Variants in SLC25A12 observed in about 807,000 individuals in gnomAD.
SLC25A12 encodes the protein solute carrier family 25 member 12, also known as electrogenic aspartate/glutamate antiporter SLC25A12, mitochondrial.
SLC25A12 carries 32 observed loss-of-function variants against 83.3 expected under a neutral mutation model. That is an observed-to-expected ratio of 0.38 (90% CI 0.29 to 0.52). SLC25A12 has a LOEUF of 0.52. Among genes scored for constraint, SLC25A12 ranks in the 20% least tolerant of loss-of-function variants. The pLI is 0.84. For missense variants in SLC25A12, 611 were observed against 835.6 expected (o/e 0.73, Z 3.31); for synonymous variants, 267 against 291.1 (o/e 0.92, Z 0.84).
At chr2:171,837,307 C>T in intron 5 of SLC25A12, 40 bp from the exon 6 acceptor site, 1 of 1,609,152 alleles carries the variant, frequency 6.2e-7, no homozygotes. Flanking sequence ...GCTGGTTAAA[C>T]ACATTCCAAG....
chr2:171,839,003 G>T (rs1453389789), intron 5 of SLC25A12, among the ~76,000 whole-genome samples: 1 of 152,062 alleles, frequency 6.6e-6, no homozygotes, highest in African/African-American at 2.4e-5. Flanking sequence ...CAGAAAAAAA[G>T]AAGTTACATA....
intron 9 of SLC25A12, among the ~76,000 whole-genome samples, chr2:171,818,568 T>C (rs907110437): frequency 2.0e-5 from 3 of 151,554 alleles, no homozygotes; most frequent in African/African-American, 7.3e-5. Context: ...GCCCAAGAGT[T>C]CAAGACCAGC....
At chr2:171,817,285 T>C (rs565302677) in intron 9 of SLC25A12, among the ~76,000 whole-genome samples, 13 of 152,260 alleles carry the variant, frequency 8.5e-5, no homozygotes, top group Admixed American at 6.5e-5. Context: ...ACTAAACACA[T>C]TGGCATACGT....
At chr2:171,891,272 C>T (rs554542168) in intron 2 of SLC25A12, among the ~76,000 whole-genome samples, 1 of 151,908 alleles carries the variant, frequency 6.6e-6, no homozygotes, top group East Asian at 1.9e-4. Context: ...GCATTCCAGC[C>T]TGGGCGACAG....
chr2:171,822,623 A>T (rs893397294), intron 9 of SLC25A12, among the ~76,000 whole-genome samples: 1 of 152,068 alleles, frequency 6.6e-6, no homozygotes, highest in Non-Finnish European at 1.5e-5. Flanking sequence ...TGGGCTCAAA[A>T]CAACCTGCCC....
In SLC25A12 at chr2:171,844,461, G is replaced by C. The variant is rs1684749615; in HGVS notation, c.373C>G (p.Pro125Ala). Residue 125 changes from proline to alanine, a missense_variant, in exon 5 of 18, where the codon CCT becomes GCT. Pro to Ala is a conservative substitution (Grantham distance 27). Around this residue, in one of 3 missense-constraint regions of SLC25A12, gnomAD observed 540 missense variants for 777.5 expected, o/e 0.69. Transcript: ENST00000422440. The stretch of plus-strand genomic sequence containing the variant: ...ATAAATTCACAATCCCAGTTAAAAG[G>C]GATATGATGATGAATAATAGTCTGT... Reference protein sequence around the residue: ...FGQTIIHHHIPFNWDCEFIRL... With the variant: ...FGQTIIHHHIAFNWDCEFIRL... 6.2e-7 allele frequency: 1 copy of C among 1,610,298 alleles called. No individual in the cohort carries two copies. The highest frequency in any genetic ancestry group is 1.1e-5 in the South Asian group (1 of 90,980).
chr2:171,846,592 G>T (rs1206482558), intron 4 of SLC25A12, among the ~76,000 whole-genome samples: 1 of 152,044 alleles, frequency 6.6e-6, no homozygotes, highest in African/African-American at 2.4e-5. Flanking sequence ...CAGATCACGA[G>T]GTCAGGAGTC....
Position 171,869,274 on chromosome 2 carries a change from G to A in SLC25A12, c.67-451C>T, listed in dbSNP as rs139520499. On this transcript the variant is annotated intron_variant, in intron 2 of 17. Transcript: ENST00000422440. ...GATAGTGGTAACATCATACAACATGGTAAATATACTTTTTTAAAAAACACT... is the reference window on the plus strand; with the variant it reads ...GATAGTGGTAACATCATACAACATGATAAATATACTTTTTTAAAAAACACT... 2.1e-3 allele frequency among the ~76,000 whole-genome samples: 315 copies of A among 152,214 alleles called. 2 individuals are homozygous for A. The highest frequency in any genetic ancestry group is 7.2e-3 in the African/African-American group (298 of 41,530).
chr2:171,874,826 A>G (rs1298336352), intron 2 of SLC25A12, among the ~76,000 whole-genome samples: 1 of 152,236 alleles, frequency 6.6e-6, no homozygotes, highest in Admixed American at 6.5e-5. Context: ...TGGGAATTAA[A>G]TATTGGGTAT....
chr2:171,800,976 G>A (rs572141761), intron 13 of SLC25A12, among the ~76,000 whole-genome samples: 4 of 152,256 alleles, frequency 2.6e-5, no homozygotes, highest in East Asian at 3.9e-4. Flanking sequence ...ACGCATGAAC[G>A]ACTTTTCTGG....
chr2:171,861,872 T>C (rs1384841302), intron 3 of SLC25A12, among the ~76,000 whole-genome samples: 1 of 152,216 alleles, frequency 6.6e-6, no homozygotes, highest in Non-Finnish European at 1.5e-5. Context: ...TTCCTTGTAA[T>C]GGGGATAAGG....
At chr2:171,883,415 T>C (rs1232570958) in intron 2 of SLC25A12, among the ~76,000 whole-genome samples, 1 of 152,182 alleles carries the variant, frequency 6.6e-6, no homozygotes, top group Non-Finnish European at 1.5e-5. Context: ...ACAAATCCCA[T>C]GTAGGCTCCA....
intron 4 of SLC25A12, among the ~76,000 whole-genome samples, chr2:171,852,356 TA>T (rs1257950237): frequency 2.0e-5 from 3 of 152,108 alleles, no homozygotes; most frequent in African/African-American, 4.8e-5. Context: ...AAATCATATC[TA>T]AAAAAAGCAT....
Position 171,813,446 on chromosome 2 carries a change from T to C in SLC25A12, c.1064A>G (p.Gln355Arg). Residue 355 changes from glutamine (Q) to arginine (R), a missense_variant, in exon 11 of 18, where the codon CAA becomes CGA. By Grantham distance (43) the Gln-to-Arg change is conservative. Coordinates refer to ENST00000422440, the MANE Select transcript of SLC25A12 (RefSeq NM_003705.5). ...YPIDLVKTRM[Q>R]NQRGSGSVVG... ...AACAGAGCCAGAGCCACGCTGGTTT[T>C]GCATTCGGGTCTTCACCAGATCTAT... The C allele has an allele frequency of 1.9e-6, 3 of 1,614,124 alleles. No homozygotes were observed. The highest frequency in any genetic ancestry group is 2.5e-6 in the Non-Finnish European group (3 of 1,179,976).
intron 4 of SLC25A12, among the ~76,000 whole-genome samples, chr2:171,849,068 G>A (rs1290239704): frequency 2.0e-5 from 3 of 152,126 alleles, no homozygotes; most frequent in Non-Finnish European, 2.9e-5. Flanking sequence ...GCACATGCCT[G>A]TAGTCCAGCT....
At chr2:171,893,161 T>G (rs1685981087) in intron 2 of SLC25A12, 44 bp downstream of exon 2, 10 of 1,531,374 alleles carry the variant, frequency 6.5e-6, no homozygotes, top group Non-Finnish European at 9.1e-6. Flanking sequence ...ACATGTACGT[T>G]TTTTGTTTTT....
chr2:171,797,278 C>T (rs1205826218), intron 13 of SLC25A12, among the ~76,000 whole-genome samples: 1 of 152,066 alleles, frequency 6.6e-6, no homozygotes, highest in Non-Finnish European at 1.5e-5. Context: ...AATAAAACAG[C>T]TAAGTAGATA....
intron 4 of SLC25A12, chr2:171,848,268 G>A: frequency 2.1e-6 from 1 of 471,106 alleles, no homozygotes; most frequent in Non-Finnish European, 4.4e-6. Flanking sequence ...TGTGGCCAGA[G>A]AACTCCTCCT....
At chr2:171,805,971 T>C (rs760593584) in intron 13 of SLC25A12, among the ~76,000 whole-genome samples, 3 of 151,700 alleles carry the variant, frequency 2.0e-5, no homozygotes, top group Non-Finnish European at 2.9e-5. Flanking sequence ...TAGCAGAGGA[T>C]GGTGGCATGC....
Sources: gnomAD v4.1 joint callset for allele counts (sites outside exome capture counted in the v4.1 genomes callset) on GRCh38, gnomAD v4.1.1 for gene constraint, gnomAD v4.1.1 regional missense constraint, MANE v1.5 for transcripts, NCBI Gene and HGNC (gene_info 2026-07-23, HGNC 2026-07-21) for gene names.